Variants in USP35 observed in about 807,000 individuals in gnomAD.
USP35 encodes ubiquitin carboxyl-terminal hydrolase 35.
A neutral mutation model predicts 83.8 loss-of-function variants in USP35; 69 were observed. That is an observed-to-expected ratio of 0.82 (90% CI 0.68 to 1.01). The LOEUF (loss-of-function observed/expected upper bound fraction) is 1.01, where lower values mean the gene tolerates loss of function less well. Ranked by LOEUF, USP35 falls within the 50% of genes least tolerant of loss-of-function variation. The pLI, the probability that USP35 is intolerant of heterozygous loss-of-function variation, is 0.00. For synonymous variants in USP35, 714 were observed against 589.5 expected (o/e 1.21, Z -3.06); for missense variants, 1,503 against 1,362.5 (o/e 1.10, Z -1.62).
chr11:78,199,231 T>A (rs1863260992), intron 3 of USP35: 1 of 269,586 alleles, frequency 3.7e-6, no homozygotes, highest in African/African-American at 2.2e-5. Context: ...TGGCTTGCTC[T>A]GGGTCACACA....
the USP35 span, chr11:78,222,127 T>C: frequency 6.2e-7 from 1 of 1,613,122 alleles, no homozygotes; most frequent in Non-Finnish European, 8.5e-7. Context: ...CAAGACTTGG[T>C]GATAGGTGAC....
chr11:78,214,901 A>AG lies in USP35; in HGVS notation c.*1091dup, dbSNP rs907848771. 1.3e-5 allele frequency among the ~76,000 whole-genome samples: 2 copies of AG among 152,020 alleles called. No individual in the cohort carries two copies. Among genetic ancestry groups the AG allele is most frequent in the Non-Finnish European group, 2.9e-5 (2 of 67,990 alleles). On this transcript the variant is annotated 3_prime_UTR_variant, in exon 11 of 11. Coordinates refer to ENST00000529308, the MANE Select transcript of USP35 (RefSeq NM_020798.4). Reference sequence around the variant, plus strand: ...ACTGACTGACTTACTTACCTTACTGAGGGCTGGGTGATGCTGCCCGTGGAG... The same window carrying AG: ...ACTGACTGACTTACTTACCTTACTGAGGGGCTGGGTGATGCTGCCCGTGGAG...
chr11:78,196,113 T>C lies in USP35; in HGVS notation c.-10-123T>C. 2 of 1,406,384 alleles carry C rather than the reference T, an allele frequency of 1.4e-6. No individual in the cohort carries two copies. The highest frequency in any genetic ancestry group is 3.0e-5 in the South Asian group (2 of 66,510). The allele number at this position is 1,406,384 out of a possible 1,614,324, so 87.1% of individuals were successfully genotyped here. On this transcript the variant is annotated intron_variant, in intron 1 of 10. Transcript: ENST00000529308. This position sits in a 1 kb window ranked among gnomAD's most constrained non-coding sequence, Gnocchi z 4.8. ...TGACGCCCTTGCCCCATTTCACAGA[T>C]GAGAAAACTGAGGCCCAGAAAGTTT...
the USP35 span, among the ~76,000 whole-genome samples, chr11:78,230,888 T>C: frequency 6.6e-6 from 1 of 152,246 alleles, no homozygotes; most frequent in South Asian, 2.1e-4. Context: ...AGTATTTTCA[T>C]GTAAACCTTA....
intron 6 of USP35, among the ~76,000 whole-genome samples, chr11:78,205,138 T>C (rs1010795151): frequency 6.6e-6 from 1 of 152,212 alleles, no homozygotes; most frequent in Non-Finnish European, 1.5e-5. Flanking sequence ...TGCTGCTGTT[T>C]GATGTGACAC....
At chr11:78,224,467 A>G in the USP35 span, among the ~76,000 whole-genome samples, 1 of 152,182 alleles carries the variant, frequency 6.6e-6, no homozygotes. Flanking sequence ...CCAGGCACCT[A>G]GGGGACCACC....
At chr11:78,203,674 G>T (rs1439825487) in intron 6 of USP35, among the ~76,000 whole-genome samples, 3 of 151,620 alleles carry the variant, frequency 2.0e-5, no homozygotes, top group African/African-American at 4.9e-5. Flanking sequence ...TGCCTCCCAG[G>T]TTCACGCCAT....
At chr11:78,215,546 A>T (rs1032719985), downstream of USP35, 1 of 152,598 alleles carries the variant, frequency 6.6e-6, no homozygotes, top group Non-Finnish European at 1.5e-5. Flanking sequence ...TGGTAACAAG[A>T]CAAGAACTCA....
downstream of USP35, chr11:78,218,008 G>C (rs1181030287): frequency 6.5e-6 from 1 of 152,854 alleles, no homozygotes; most frequent in Non-Finnish European, 1.5e-5. Flanking sequence ...ACTCTTGCAC[G>C]TGTCCCTCCT....
intron 10 of USP35, among the ~76,000 whole-genome samples, chr11:78,211,938 AGTTT>A (rs1476560992): frequency 6.6e-6 from 1 of 152,018 alleles, no homozygotes; most frequent in African/African-American, 2.4e-5. Context: ...TAAGCTCTTT[AGTTT>A]AAGTGGATCC....
chr11:78,231,777 G>C, the USP35 span: 1 of 152,014 alleles, frequency 6.6e-6, no homozygotes, highest in Admixed American at 6.5e-5. Flanking sequence ...TATCCCACTG[G>C]ACTCCAAGAA....
intron 1 of USP35, among the ~76,000 whole-genome samples, chr11:78,193,331 G>T (rs926708451): frequency 2.6e-5 from 4 of 151,796 alleles, no homozygotes; most frequent in African/African-American, 9.7e-5. Flanking sequence ...AGCTGGGACT[G>T]CAGGTGTGAG....
At chr11:78,211,942 T>G (rs1340829755) in intron 10 of USP35, among the ~76,000 whole-genome samples, 1 of 152,230 alleles carries the variant, frequency 6.6e-6, no homozygotes, top group East Asian at 1.9e-4. Context: ...CTCTTTAGTT[T>G]AAGTGGATCC....
intron 3 of USP35, chr11:78,198,736 A>G (rs1863234103): frequency 1.0e-6 from 1 of 976,296 alleles, no homozygotes; most frequent in Non-Finnish European, 1.2e-6. Context: ...GCTAGAGGTC[A>G]AATCCCGCCT....
intron 9 of USP35, 137 bp from the exon 10 acceptor site, chr11:78,209,311 G>A (rs1863642375): frequency 6.6e-6 from 6 of 906,048 alleles, no homozygotes; most frequent in Non-Finnish European, 8.3e-6. Flanking sequence ...TGGATGTGTG[G>A]GTGTTTGGTG....
At chr11:78,213,590 CTCTGGCT>C in intron 10 of USP35, 49 bp from the exon 11 acceptor site, 1 of 1,432,824 alleles carries the variant, frequency 7.0e-7, no homozygotes, top group Non-Finnish European at 9.1e-7. Flanking sequence ...GGTAGACTCA[CTCTGGCT>C]TCAGGGTGTG....
At position 78,196,200 on chromosome 11, in the gene USP35, T is replaced by C; in HGVS notation, c.-10-36T>C. 6.5e-7 allele frequency: 1 copy of C among 1,545,286 alleles called. No individual in the cohort carries two copies. Among genetic ancestry groups the C allele is most frequent in the Non-Finnish European group, 8.7e-7 (1 of 1,155,858 alleles). On this transcript the variant is annotated intron_variant, in intron 1 of 10. Coordinates refer to ENST00000529308, the MANE Select transcript of USP35 (RefSeq NM_020798.4). This position sits in a 1 kb window ranked among gnomAD's most constrained non-coding sequence, Gnocchi z 4.8. ...CACCGGGAACTCTTGAGCCCCGCGG[T>C]TGTCGGGCTGTGACCTCATTCCCTG...
At chr11:78,221,280 T>G in the USP35 span, among the ~76,000 whole-genome samples, 1 of 152,260 alleles carries the variant, frequency 6.6e-6, no homozygotes, top group East Asian at 1.9e-4. Flanking sequence ...CCTCTGCCTG[T>G]GTTGATAGCT....
intron 10 of USP35, among the ~76,000 whole-genome samples, chr11:78,212,662 G>T (rs1863832223): frequency 6.6e-6 from 1 of 152,134 alleles, no homozygotes; most frequent in Non-Finnish European, 1.5e-5. Context: ...AGTTGTGAAT[G>T]GGAGTTTGTT....
Sources: allele counts gnomAD v4.1 joint callset (sites outside exome capture counted in the v4.1 genomes callset), GRCh38; gene constraint gnomAD v4.1.1; non-coding constraint Gnocchi (gnomAD v3.1); transcripts MANE v1.5; gene names NCBI Gene and HGNC (gene_info 2026-07-23, HGNC 2026-07-21).